The following ADAMTS9 variants were observed in gnomAD, a reference collection of about 807,000 sequenced individuals.
ADAMTS9 encodes ADAM metallopeptidase with thrombospondin type 1 motif 9.
A neutral mutation model predicts 257.1 loss-of-function variants in ADAMTS9; 107 were observed. The ratio of observed to expected loss-of-function variants is 0.42; its 90% CI spans 0.36 to 0.49. ADAMTS9 has a LOEUF of 0.49. Ranked by LOEUF, ADAMTS9 falls within the 20% of genes least tolerant of loss-of-function variation. The pLI is 0.03. For synonymous variants in ADAMTS9, 982 were observed against 880.9 expected (o/e 1.11, Z -2.03); for missense variants, 2,353 against 2,469.1 (o/e 0.95, Z 1.00).
rs2304990 is a variant in ADAMTS9 at position 64,561,996 on chromosome 3, T to A, written c.4525-245A>T. 2.4e-3 allele frequency among the ~76,000 whole-genome samples: 361 copies of A among 152,326 alleles called. 12 individuals are homozygous for A. In the East Asian group the frequency reaches 0.046, roughly 19 times the overall value. On this transcript the variant is annotated intron_variant, in intron 29 of 39. Coordinates refer to ENST00000498707, the MANE Select transcript of ADAMTS9 (RefSeq NM_182920.2). ...TCAAGTTTGGAGGAATCCCTCAAGT[T>A]AATGTAATTCTTAGAGGATTGAAGA...
chr3:64,678,456 T>G (rs1467835578), intron 3 of ADAMTS9, among the ~76,000 whole-genome samples: 2 of 152,356 alleles, frequency 1.3e-5, no homozygotes, highest in East Asian at 3.9e-4. Flanking sequence ...GGAGCACTAT[T>G]AAAACCACTG....
chr3:64,526,148 T>C (rs2082907903), intron 38 of ADAMTS9, among the ~76,000 whole-genome samples: 1 of 142,078 alleles, frequency 7.0e-6, no homozygotes, highest in South Asian at 2.2e-4. Context: ...AATAATTGTA[T>C]ATTTCAAAAT....
intron 27 of ADAMTS9, among the ~76,000 whole-genome samples, chr3:64,595,933 T>A (rs897317694): frequency 6.6e-6 from 1 of 152,226 alleles, no homozygotes; most frequent in Admixed American, 6.5e-5. Context: ...AGAGATATAT[T>A]CTTAGTTAAT....
chr3:64,607,794 G>T (rs1317867877), intron 22 of ADAMTS9, among the ~76,000 whole-genome samples: 1 of 152,050 alleles, frequency 6.6e-6, no homozygotes, highest in Non-Finnish European at 1.5e-5. Context: ...AATAAAAAAA[G>T]AAGCCACTCA....
rs755480110 is a variant in ADAMTS9, at chr3:64,517,416, G to GTTTTTTTTTTTTTTTTTTTTTTTTTTTTT, written c.*6-296_*6-295insAAAAAAAAAAAAAAAAAAAAAAAAAAAAA. Among the ~76,000 whole-genome samples the GTTTTTTTTTTTTTTTTTTTTTTTTTTTTT allele has an allele frequency of 4.9e-4, 26 of 52,670 alleles. 8 individuals are homozygous for GTTTTTTTTTTTTTTTTTTTTTTTTTTTTT. The highest frequency in any genetic ancestry group is 8.8e-4 in the Non-Finnish European group (23 of 26,242). 34.6% of individuals were successfully genotyped at this position (52,670 alleles called of 152,430 possible). A position where few individuals can be genotyped will look rare whatever the true frequency, so the allele number is the denominator to read the frequency against. Reference sequence around the variant, plus strand: ...CATCAAGCCCAGCTAATTAAAAATGGTTTTTTTTTTTTTTTTTTTTTTTGC... The same window carrying GTTTTTTTTTTTTTTTTTTTTTTTTTTTTT: ...CATCAAGCCCAGCTAATTAAAAATGGTTTTTTTTTTTTTTTTTTTTTTTTTTTTTTTTTTTTTTTTTTTTTTTTTTTTGC... On this transcript the variant is annotated intron_variant, in intron 39 of 39. Coordinates refer to ENST00000498707, the MANE Select transcript of ADAMTS9 (RefSeq NM_182920.2).
chr3:64,676,058 G>C (rs1307006237), intron 3 of ADAMTS9, among the ~76,000 whole-genome samples: 2 of 152,154 alleles, frequency 1.3e-5, no homozygotes, highest in Non-Finnish European at 2.9e-5. Context: ...AATAATACCA[G>C]GGTCAGTCCA....
At chr3:64,593,234 G>A (rs947036176) in intron 28 of ADAMTS9, among the ~76,000 whole-genome samples, 3 of 151,996 alleles carry the variant, frequency 2.0e-5, no homozygotes, top group Non-Finnish European at 4.4e-5. Context: ...CTGCAGACAC[G>A]ACCCCAGCCA....
intron 12 of ADAMTS9, among the ~76,000 whole-genome samples, chr3:64,636,036 T>G (rs774734085): frequency 3.3e-5 from 5 of 152,098 alleles, no homozygotes; most frequent in Non-Finnish European, 4.4e-5. Flanking sequence ...ATTTATTGCC[T>G]GAAAGTAACT....
chr3:64,555,181 A>G (rs1323931181), intron 30 of ADAMTS9, among the ~76,000 whole-genome samples: 1 of 152,236 alleles, frequency 6.6e-6, no homozygotes, highest in Admixed American at 6.5e-5. Flanking sequence ...AGAAGCAGCA[A>G]TGACAAATCA....
At chr3:64,526,309 A>G (rs1388563208) in intron 38 of ADAMTS9, among the ~76,000 whole-genome samples, 1 of 152,084 alleles carries the variant, frequency 6.6e-6, no homozygotes, top group African/African-American at 2.4e-5. Context: ...CACAACTATG[A>G]TATATCGATA....
intron 30 of ADAMTS9, among the ~76,000 whole-genome samples, chr3:64,553,905 T>C (rs558389275): frequency 6.6e-6 from 1 of 152,212 alleles, no homozygotes; most frequent in East Asian, 1.9e-4. Context: ...AAAGTGTTTT[T>C]TTCATCATTA....
Position 64,602,040 on chromosome 3 carries a change from G to C in ADAMTS9, c.3921C>G (p.His1307Gln). Residue 1307 changes from histidine (H) to glutamine (Q), a missense_variant, in exon 26 of 40, where the codon CAC becomes CAG. By Grantham distance (24) the His-to-Gln change is conservative (BLOSUM62 0). Around this residue, in one of 3 missense-constraint regions of ADAMTS9, gnomAD observed 1,402 missense variants for 1,441.4 expected, o/e 0.97. Coordinates refer to ENST00000498707, the MANE Select transcript of ADAMTS9 (RefSeq NM_182920.2). The stretch of plus-strand genomic sequence containing the variant: ...GACGATAGTCCTCATTTTGGAAGGG[G>C]TGCTGAGCTAAGCCACTGTCTGGGG... ...QRTPDSGLAQ[H>Q]PFQNEDYRPR... The C allele has an allele frequency of 6.2e-7, 1 of 1,614,056 alleles. No individual in the cohort carries two copies. Among genetic ancestry groups the C allele is most frequent in the South Asian group, 1.1e-5 (1 of 91,066 alleles).
rs767497598 is a variant in ADAMTS9 at position 64,606,998 on chromosome 3, T to C, written c.3436A>G (p.Asn1146Asp). ...IGTYMSVVDDNDCNAATRPTD... is the reference protein window; with the variant it reads ...IGTYMSVVDDDDCNAATRPTD... ...GGTCTAGTTGCTGCATTACAGTCATTGTCATCTACCACTGACATATAAGTC... is the reference window on the plus strand; with the variant it reads ...GGTCTAGTTGCTGCATTACAGTCATCGTCATCTACCACTGACATATAAGTC... Residue 1146 changes from asparagine (N) to aspartate (D), a missense_variant, in exon 23 of 40, where the codon AAT becomes GAT. Physicochemically the swap from Asn to Asp is conservative, Grantham distance 23. Around this residue, in one of 3 missense-constraint regions of ADAMTS9, gnomAD observed 1,402 missense variants for 1,441.4 expected, o/e 0.97. Transcript: ENST00000498707. 1 of 1,613,944 alleles carries C rather than the reference T, an allele frequency of 6.2e-7. No homozygotes were observed. The highest frequency in any genetic ancestry group is 2.2e-5 in the East Asian group (1 of 44,856).
At chr3:64,539,056 C>T in intron 37 of ADAMTS9, 147 bp downstream of exon 37, 2 of 715,966 alleles carry the variant, frequency 2.8e-6, no homozygotes, top group South Asian at 1.7e-5. Context: ...GACTCCAGAG[C>T]ATTTGAGAGG....
chr3:64,557,447 C>G (rs976320815), intron 30 of ADAMTS9, among the ~76,000 whole-genome samples: 1 of 152,008 alleles, frequency 6.6e-6, no homozygotes, highest in African/African-American at 2.4e-5. Context: ...CTTTTTTCTT[C>G]CAAACAGCCT....
intron 37 of ADAMTS9, among the ~76,000 whole-genome samples, chr3:64,535,849 C>T (rs528939303): frequency 6.6e-6 from 1 of 151,874 alleles, no homozygotes; most frequent in South Asian, 2.1e-4. Flanking sequence ...GCCACCCCCT[C>T]CCCCCAAAAT....
rs116937789 is a variant in ADAMTS9, at chr3:64,527,338, T to C, written c.5719-5078A>G. ...TTCATACTTTTCACTAATTCTTCTATTTTTTTCAATCTATATGAGGAAGGC... is the reference window on the plus strand; with the variant it reads ...TTCATACTTTTCACTAATTCTTCTACTTTTTTCAATCTATATGAGGAAGGC... On this transcript the variant is annotated intron_variant, in intron 38 of 39. Coordinates refer to ENST00000498707, the MANE Select transcript of ADAMTS9 (RefSeq NM_182920.2). 3.0e-3 allele frequency among the ~76,000 whole-genome samples: 461 copies of C among 152,264 alleles called. 1 individual carries two copies. The highest frequency in any genetic ancestry group is 0.026 in the East Asian group (136 of 5,172).
At chr3:64,642,047 G>C (rs1033803664) in intron 11 of ADAMTS9, 54 bp from the exon 12 acceptor site, 3 of 1,598,832 alleles carry the variant, frequency 1.9e-6, no homozygotes, top group Non-Finnish European at 2.6e-6. Flanking sequence ...AGTTGTTACA[G>C]GACTGGCTGT....
chr3:64,602,144 T>C lies in ADAMTS9; in HGVS notation c.3817A>G (p.Ile1273Val), dbSNP rs201441707. 58 of 1,613,990 alleles carry C rather than the reference T, an allele frequency of 3.6e-5. No homozygotes were observed. The highest frequency in any genetic ancestry group is 1.5e-4 in the Admixed American group (9 of 60,006). Residue 1273 changes from isoleucine to valine, a missense_variant, in exon 26 of 40, where the codon ATC (isoleucine) becomes GTC (valine). Coordinates refer to ENST00000498707, the MANE Select transcript of ADAMTS9 (RefSeq NM_182920.2). ...TCCTGGTCACACTCACTCCGATCGA[T>C]CACGTGGTCACTGTAGTTGACACAC... The part of the protein sequence containing the change: ...VMCVNYSDHV[I>V]DRSECDQDYI...
Sources: gnomAD v4.1 joint callset for allele counts (sites outside exome capture counted in the v4.1 genomes callset) on GRCh38, gnomAD v4.1.1 for gene constraint, gnomAD v4.1.1 regional missense constraint, MANE v1.5 for transcripts, NCBI Gene and HGNC (gene_info 2026-07-23, HGNC 2026-07-21) for gene names.